The following SGCD variants were observed in gnomAD, a reference collection of about 807,000 sequenced individuals.
SGCD encodes the protein delta-sarcoglycan.
SGCD carries 18 observed loss-of-function variants against 36.6 expected under a neutral mutation model. The observed-to-expected ratio is 0.49, with a 90% CI of 0.34 to 0.73. SGCD has a LOEUF of 0.73. Among genes scored for constraint, SGCD ranks in the 30% least tolerant of loss-of-function variants. The pLI is 0.01. For missense variants in SGCD, 387 were observed against 346.7 expected (o/e 1.12, Z -0.92); for synonymous variants, 133 against 130.6 (o/e 1.02, Z -0.12).
chr5:156,181,569 T>C (rs755401631), intron 3 of SGCD, among the ~76,000 whole-genome samples: 3 of 152,218 alleles, frequency 2.0e-5, no homozygotes, highest in Non-Finnish European at 2.9e-5. Context: ...GGTCAGGCTT[T>C]TCTTTTTATA....
intron 1 of SGCD, among the ~76,000 whole-genome samples, chr5:155,980,381 G>A (rs1758201167): frequency 6.6e-6 from 1 of 151,422 alleles, no homozygotes; most frequent in African/African-American, 2.4e-5. Context: ...GTCAGGAGAT[G>A]GAGACCATCC....
intron 7 of SGCD, among the ~76,000 whole-genome samples, chr5:156,670,920 C>T (rs565082269): frequency 1.3e-5 from 2 of 152,060 alleles, no homozygotes; most frequent in African/African-American, 2.4e-5. Context: ...AGCCATTGGT[C>T]GAGTCATCTC....
rs561328077 is a variant in SGCD, at chr5:156,056,645, T to TAAAAAA, written c.-281-61218_-281-61213dup. Among the ~76,000 whole-genome samples the TAAAAAA allele has an allele frequency of 1.7e-3, 118 of 68,274 alleles. 6 individuals are homozygous for TAAAAAA. The highest frequency in any genetic ancestry group is 7.3e-3 in the African/African-American group (103 of 14,060). The allele number at this position is 68,274 out of a possible 152,430, so 44.8% of individuals were successfully genotyped here. ...GGTCCCCTACCTGCCAAATTATCCT[T>TAAAAAA]AAAAAAAAAAAAAAAAAAAACAGTC... On this transcript the variant is annotated intron_variant, in intron 1 of 9. Transcript: ENST00000517913.
At chr5:156,366,431 C>T (rs1312958953) in intron 3 of SGCD, among the ~76,000 whole-genome samples, 2 of 151,872 alleles carry the variant, frequency 1.3e-5, no homozygotes, top group Non-Finnish European at 2.9e-5. Flanking sequence ...GGAAATCACC[C>T]AGGAAATGTA....
intron 1 of SGCD, among the ~76,000 whole-genome samples, chr5:155,983,949 G>A (rs1758279342): frequency 6.6e-6 from 1 of 152,068 alleles, no homozygotes. Flanking sequence ...CCAGTCATAA[G>A]TGCATCCGTG....
intron 4 of SGCD, among the ~76,000 whole-genome samples, chr5:156,536,169 A>G (rs556366525): frequency 1.4e-4 from 21 of 152,168 alleles, no homozygotes; most frequent in Non-Finnish European, 2.8e-4. Flanking sequence ...TGGGTCAAGA[A>G]GGATACTATG....
intron 4 of SGCD, among the ~76,000 whole-genome samples, chr5:156,532,622 G>A (rs748201208): frequency 1.3e-5 from 2 of 151,978 alleles, no homozygotes; most frequent in Non-Finnish European, 2.9e-5. Context: ...CACCATGTCC[G>A]GCTAATTTTT....
At chr5:156,185,931 C>G (rs1171241082) in intron 3 of SGCD, among the ~76,000 whole-genome samples, 1 of 136,080 alleles carries the variant, frequency 7.3e-6, no homozygotes, top group Non-Finnish European at 1.6e-5. Context: ...CATAATTGCT[C>G]TGTTTCAGAA....
chr5:156,379,298 T>G (rs935611856), intron 3 of SGCD, among the ~76,000 whole-genome samples: 1 of 152,128 alleles, frequency 6.6e-6, no homozygotes, highest in Admixed American at 6.6e-5. Flanking sequence ...GTTGAAAGTT[T>G]AGATAGTCCA....
At chr5:156,731,670 G>C (rs1447297099) in intron 7 of SGCD, among the ~76,000 whole-genome samples, 1 of 151,980 alleles carries the variant, frequency 6.6e-6, no homozygotes. Context: ...CTCTTTTTTG[G>C]TTCCACATGA....
the SGCD span, among the ~76,000 whole-genome samples, chr5:155,795,880 C>T: frequency 2.6e-5 from 4 of 151,986 alleles, no homozygotes; most frequent in African/African-American, 9.7e-5. Flanking sequence ...AAGCCAGATG[C>T]GTAAAGAGGA....
chr5:156,420,722 A>G (rs936480336), intron 3 of SGCD, among the ~76,000 whole-genome samples: 2 of 152,154 alleles, frequency 1.3e-5, no homozygotes, highest in African/African-American at 4.8e-5. Flanking sequence ...TTACTGTGTA[A>G]TTGCTAAGAC....
At chr5:155,927,587 T>G (rs1757017365) in intron 1 of SGCD, among the ~76,000 whole-genome samples, 1 of 152,270 alleles carries the variant, frequency 6.6e-6, no homozygotes, top group South Asian at 2.1e-4. Flanking sequence ...AAATCTTATT[T>G]ATAGGGAGGG....
chr5:155,812,325 C>T, the SGCD span, among the ~76,000 whole-genome samples: 15 of 152,204 alleles, frequency 9.9e-5, no homozygotes, highest in Admixed American at 9.8e-4. Flanking sequence ...TGATGTGAAA[C>T]CTCCCTGACT....
chr5:156,353,280 A>G (rs2127724096), intron 3 of SGCD, among the ~76,000 whole-genome samples: 1 of 152,370 alleles, frequency 6.6e-6, no homozygotes, highest in South Asian at 2.1e-4. Flanking sequence ...ATTAAAATGT[A>G]TAAAGATGGG....
intron 3 of SGCD, among the ~76,000 whole-genome samples, chr5:156,456,333 T>C (rs577165228): frequency 1.3e-5 from 2 of 152,270 alleles, no homozygotes; most frequent in South Asian, 4.2e-4. Flanking sequence ...TCTTAGAGAA[T>C]ATGTGTATCA....
intron 1 of SGCD, among the ~76,000 whole-genome samples, chr5:155,944,390 T>C (rs1386032655): frequency 6.6e-6 from 1 of 152,206 alleles, no homozygotes; most frequent in African/African-American, 2.4e-5. Context: ...ACTAGGCATG[T>C]GCTGTGCATT....
chr5:155,962,542 G>A (rs1243577717), intron 1 of SGCD, among the ~76,000 whole-genome samples: 1 of 152,124 alleles, frequency 6.6e-6, no homozygotes, highest in African/African-American at 2.4e-5. Context: ...TTCAGAGGTA[G>A]TAGCGGGAAT....
intron 6 of SGCD, among the ~76,000 whole-genome samples, chr5:156,596,830 C>T (rs187995509): frequency 2.0e-5 from 3 of 152,232 alleles, no homozygotes; most frequent in East Asian, 1.9e-4. Context: ...GTCAAATGCA[C>T]GCATATGTAC....
Sources: gnomAD v4.1 joint callset for allele counts (sites outside exome capture counted in the v4.1 genomes callset) on GRCh38, gnomAD v4.1.1 for gene constraint, MANE v1.5 for transcripts, NCBI Gene and HGNC (gene_info 2026-07-23, HGNC 2026-07-21) for gene names.